CKAP5: variants seen among roughly 807,000 people sequenced by gnomAD.
CKAP5 encodes cytoskeleton-associated protein 5.
CKAP5 carries 27 observed loss-of-function variants against 232.8 expected under a neutral mutation model. The observed-to-expected ratio is 0.12, with a 90% confidence interval of 0.09 to 0.16. The LOEUF is 0.16. Ranked by LOEUF, CKAP5 falls within the 10% of genes least tolerant of loss-of-function variation. The probability of loss-of-function intolerance (pLI) is 1.00; values close to 1 mark genes in which losing one functional copy is unlikely to be tolerated. For synonymous variants in CKAP5, 785 were observed against 841.1 expected, an observed-to-expected ratio of 0.93 and a Z score of 1.16; for missense variants, 1,838 against 2,424.7, an observed-to-expected ratio of 0.76 and a Z score of 5.08.
At chr11:46,804,818 G>A (rs1023765777) in intron 8 of CKAP5, among the ~76,000 whole-genome samples, 1 of 151,468 alleles carries the variant, frequency 6.6e-6, no homozygotes, top group African/African-American at 2.4e-5. Context: ...AAAGCACTTC[G>A]AAAATCCAAA....
intron 9 of CKAP5, among the ~76,000 whole-genome samples, chr11:46,799,756 T>C (rs1271944724): frequency 1.3e-5 from 2 of 152,172 alleles, no homozygotes; most frequent in African/African-American, 4.8e-5. Context: ...CCCAGCACTT[T>C]GGGAGGCTGA....
intron 37 of CKAP5, 142 bp downstream of exon 37, chr11:46,753,168 G>A: frequency 3.3e-6 from 2 of 600,980 alleles, no homozygotes; most frequent in Non-Finnish European, 2.9e-6. Context: ...TATAACTGAT[G>A]TAGCTATAAC....
intron 1 of CKAP5, among the ~76,000 whole-genome samples, chr11:46,840,276 T>C (rs1940019843): frequency 3.3e-5 from 5 of 152,202 alleles, no homozygotes; most frequent in Admixed American, 2.6e-4. Flanking sequence ...TATAATTTGC[T>C]ACAGTAAATT....
chr11:46,761,222 C>T (rs1042218830), intron 32 of CKAP5, among the ~76,000 whole-genome samples: 16 of 143,062 alleles, frequency 1.1e-4, no homozygotes, highest in African/African-American at 4.0e-4. Context: ...GCACTCCAAC[C>T]TAGGTGACAG....
chr11:46,779,955 C>T (rs1326071333), intron 20 of CKAP5, among the ~76,000 whole-genome samples: 1 of 152,076 alleles, frequency 6.6e-6, no homozygotes, highest in African/African-American at 2.4e-5. Context: ...GCCAGTTTAC[C>T]TCTCCTTGGG....
intron 9 of CKAP5, among the ~76,000 whole-genome samples, chr11:46,799,237 C>T (rs1350187838): frequency 6.6e-6 from 1 of 151,504 alleles, no homozygotes; most frequent in African/African-American, 2.4e-5. Context: ...TTTGTCGAGA[C>T]GGGGGTTTCT....
chr11:46,790,429 G>T (rs375476546), intron 14 of CKAP5, 41 bp downstream of exon 14: 1 of 1,386,624 alleles, frequency 7.2e-7, no homozygotes, highest in Non-Finnish European at 1.0e-6. Flanking sequence ...GTCTCACTTT[G>T]CAGGGTTCAT....
At chr11:46,838,901 T>C (rs1939982020) in intron 1 of CKAP5, among the ~76,000 whole-genome samples, 1 of 150,928 alleles carries the variant, frequency 6.6e-6, no homozygotes, top group Non-Finnish European at 1.5e-5. Context: ...CACAGCCAAC[T>C]GAATAGTCAG....
At chr11:46,788,329 T>G (rs1592458153) in intron 16 of CKAP5, among the ~76,000 whole-genome samples, 1 of 152,222 alleles carries the variant, frequency 6.6e-6, no homozygotes, top group African/African-American at 2.4e-5. Context: ...AATCCCAGCA[T>G]TTTGGGAGGC....
chr11:46,777,349 T>C lies in CKAP5; in HGVS notation c.2862+90A>G, dbSNP rs180707187. ...ATCTTTATAAAGTTTATCAGGTCTT[T>C]ACATGACTCTAAAAAGAGAATTATC... is the stretch of plus-strand genomic sequence containing the variant. On this transcript the variant is annotated intron_variant, in intron 23 of 43. Transcript: ENST00000529230. The C allele has an allele frequency of 8.6e-5, 64 of 745,254 alleles. No homozygotes were observed. The Admixed American group carries it at 1.2e-3, about 14-fold the overall frequency. 46.2% of individuals were successfully genotyped at this position (745,254 alleles called of 1,614,324 possible). A position where few individuals can be genotyped will look rare whatever the true frequency, so the allele number is the denominator to read the frequency against.
chr11:46,817,894 T>G (rs1939440827), intron 3 of CKAP5, among the ~76,000 whole-genome samples: 1 of 152,222 alleles, frequency 6.6e-6, no homozygotes, highest in Non-Finnish European at 1.5e-5. Flanking sequence ...TAACATCACC[T>G]ATCTAACAAC....
chr11:46,815,603 C>G (rs1462370616), intron 4 of CKAP5, among the ~76,000 whole-genome samples: 1 of 152,164 alleles, frequency 6.6e-6, no homozygotes, highest in Non-Finnish European at 1.5e-5. Context: ...AACTGAAAAG[C>G]CTAATTCTTA....
rs1452237607 is a variant in CKAP5, at chr11:46,763,675, G to T, written c.3538-45C>A. On this transcript the variant is annotated intron_variant, in intron 28 of 43. Coordinates refer to ENST00000529230, the MANE Select transcript of CKAP5 (RefSeq NM_001008938.4). ...AAAAGGGGCTACAGGGTGTTCAACTGAAATGAGGTAGAGAGCCTTATATAA... is the reference window on the plus strand; with the variant it reads ...AAAAGGGGCTACAGGGTGTTCAACTTAAATGAGGTAGAGAGCCTTATATAA... 3 of 1,399,746 alleles carry T rather than the reference G, an allele frequency of 2.1e-6. No homozygotes were observed. In the Admixed American group the frequency reaches 7.9e-5, roughly 37 times the overall value. 86.7% of individuals were successfully genotyped at this position (1,399,746 alleles called of 1,614,324 possible). A position where few individuals can be genotyped will look rare whatever the true frequency, so the allele number is the denominator to read the frequency against.
At chr11:46,790,338 C>T (rs1197802900) in intron 14 of CKAP5, 132 bp downstream of exon 14, 3 of 816,032 alleles carry the variant, frequency 3.7e-6, no homozygotes, top group Admixed American at 5.3e-5. Context: ...AGGAGATTGT[C>T]CAAGGCAGTT....
At chr11:46,747,572 A>G (rs1025153454) in intron 42 of CKAP5, among the ~76,000 whole-genome samples, 1 of 151,058 alleles carries the variant, frequency 6.6e-6, no homozygotes, top group Non-Finnish European at 1.5e-5. Flanking sequence ...ATAGCACTCC[A>G]GCCTGGGCGA....
intron 1 of CKAP5, 90 bp from the exon 2 acceptor site, chr11:46,821,358 T>C: frequency 1.7e-6 from 1 of 583,194 alleles, no homozygotes; most frequent in Non-Finnish European, 3.0e-6. Context: ...TTATCATTCA[T>C]GCAACAACAA....
rs149432145 is a variant in CKAP5, at chr11:46,827,243, T to G, written c.-37-5975A>C. 2.8e-3 allele frequency among the ~76,000 whole-genome samples: 419 copies of G among 152,302 alleles called. 2 individuals carry two copies. Among genetic ancestry groups the G allele is most frequent in the African/African-American group, 9.6e-3 (397 of 41,556 alleles). On this transcript the variant is annotated intron_variant, in intron 1 of 43. Transcript: ENST00000529230. Reference sequence around the variant, plus strand: ...TAGATACATAGCCCCTCATTATATGTAAGCTGCTTACTTCATTAACCTCCT... The same window carrying G: ...TAGATACATAGCCCCTCATTATATGGAAGCTGCTTACTTCATTAACCTCCT...
chr11:46,752,221 C>CACAT lies in CKAP5; in HGVS notation c.5133+413_5133+414insATGT, dbSNP rs1409763853. Reference sequence around the variant, plus strand: ...ACACACACACACACACACACACACACACACACACACACGTGTATTATATAC... The same window carrying CACAT: ...ACACACACACACACACACACACACACACATACACACACACACGTGTATTATATAC... On this transcript the variant is annotated intron_variant, in intron 38 of 43. Coordinates refer to ENST00000529230, the MANE Select transcript of CKAP5 (RefSeq NM_001008938.4). 6.7e-5 allele frequency among the ~76,000 whole-genome samples: 9 copies of CACAT among 134,892 alleles called. 1 individual carries two copies. Among genetic ancestry groups the CACAT allele is most frequent in the East Asian group, 2.1e-4 (1 of 4,780 alleles). The allele number at this position is 134,892 out of a possible 152,430, so 88.5% of individuals were successfully genotyped here. A position where few individuals can be genotyped will look rare whatever the true frequency, so the allele number is the denominator to read the frequency against.
At chr11:46,818,885 T>C (rs934578830) in intron 2 of CKAP5, among the ~76,000 whole-genome samples, 1 of 152,180 alleles carries the variant, frequency 6.6e-6, no homozygotes, top group African/African-American at 2.4e-5. Flanking sequence ...TTTGGTTCTA[T>C]TTTTGTATAA....
Sources: allele counts gnomAD v4.1 joint callset (sites outside exome capture counted in the v4.1 genomes callset), GRCh38; gene constraint gnomAD v4.1.1; transcripts MANE v1.5; gene names NCBI Gene and HGNC (gene_info 2026-07-23, HGNC 2026-07-21).